The following GDPD5 variants were observed in gnomAD, a reference collection of about 807,000 sequenced individuals.
GDPD5 encodes the protein glycerophosphodiester phosphodiesterase domain containing 5.
In GDPD5, 48 loss-of-function variants were observed where a neutral mutation model predicts 75.1. The observed-to-expected ratio is 0.64, with a 90% CI of 0.51 to 0.81. GDPD5 has a LOEUF of 0.81. GDPD5 is among the 40% of genes least tolerant of loss of function. GDPD5 has a pLI of 0.00. For synonymous variants in GDPD5, 336 were observed against 339.0 expected (o/e 0.99, Z 0.10); for missense variants, 706 against 822.6 (o/e 0.86, Z 1.73).
intron 3 of GDPD5, among the ~76,000 whole-genome samples, chr11:75,464,039 C>G (rs1949468838): frequency 6.6e-6 from 1 of 152,222 alleles, no homozygotes; most frequent in Non-Finnish European, 1.5e-5. Flanking sequence ...CACTGTGTCC[C>G]CCAGACAAGT....
chr11:75,471,086 C>T lies in GDPD5; in HGVS notation c.117+6533G>A, dbSNP rs552187344. 2.0e-5 allele frequency among the ~76,000 whole-genome samples: 3 copies of T among 152,344 alleles called. No individual in the cohort carries two copies. The East Asian group carries it at 5.8e-4, about 29-fold the overall frequency. On this transcript the variant is annotated intron_variant, in intron 3 of 16. Transcript: ENST00000336898. ...TGCCTACTCCTGAATCTGCCACCTG[C>T]AAGCCAAATCTTGGGCACCTCAGCT...
chr11:75,446,419 G>A (rs1000467429), intron 9 of GDPD5, among the ~76,000 whole-genome samples: 1 of 152,170 alleles, frequency 6.6e-6, no homozygotes, highest in African/African-American at 2.4e-5. Context: ...CCTGCCTCAG[G>A]CCAGTCCAAG....
At chr11:75,495,406 A>T (rs1283809225) in intron 1 of GDPD5, among the ~76,000 whole-genome samples, 1 of 151,712 alleles carries the variant, frequency 6.6e-6, no homozygotes, top group Non-Finnish European at 1.5e-5. Context: ...CAGAGGTTGC[A>T]GTGAGCTGAG....
At chr11:75,507,855 C>A (rs1950434657) in intron 1 of GDPD5, among the ~76,000 whole-genome samples, 1 of 152,208 alleles carries the variant, frequency 6.6e-6, no homozygotes, top group Non-Finnish European at 1.5e-5. Context: ...CATCACAGAG[C>A]CTGCCAGTCA....
intron 4 of GDPD5, among the ~76,000 whole-genome samples, chr11:75,458,824 T>A (rs183735971): frequency 2.8e-4 from 43 of 152,340 alleles, no homozygotes; most frequent in Admixed American, 2.5e-3. Flanking sequence ...TCTCTGTCAC[T>A]GAGGCTGGAG....
intron 1 of GDPD5, among the ~76,000 whole-genome samples, chr11:75,497,557 C>A (rs538693052): frequency 2.7e-5 from 4 of 147,240 alleles, no homozygotes; most frequent in African/African-American, 9.9e-5. Context: ...CCTCTCTCGG[C>A]GCCTGCAGGT....
At chr11:75,435,777 G>A in intron 16 of GDPD5, 122 bp from the exon 17 acceptor site, 1 of 961,380 alleles carries the variant, frequency 1.0e-6, no homozygotes, top group Non-Finnish European at 1.5e-6. Context: ...GAAACCACTG[G>A]GCTCAGGTCG....
intron 6 of GDPD5, 98 bp from the exon 7 acceptor site, chr11:75,450,081 G>C (rs1949099033): frequency 1.0e-6 from 1 of 971,254 alleles, no homozygotes; most frequent in East Asian, 2.5e-5. Context: ...GAGAGGGCAG[G>C]AGAGGCCGAT....
chr11:75,514,143 A>AT (rs1170098348), intron 1 of GDPD5, among the ~76,000 whole-genome samples: 1 of 152,222 alleles, frequency 6.6e-6, no homozygotes, highest in African/African-American at 2.4e-5. Context: ...GGAGGGAGGC[A>AT]AAACCCTACC....
At chr11:75,439,307 A>G in intron 15 of GDPD5, 1 of 456,012 alleles carries the variant, frequency 2.2e-6, no homozygotes, top group South Asian at 1.6e-5. Context: ...AGAAAGAGGA[A>G]CAGAAGGAGG....
At chr11:75,448,675 C>T (rs1428333014) in intron 9 of GDPD5, 13 of 1,112,642 alleles carry the variant, frequency 1.2e-5, no homozygotes, top group Non-Finnish European at 1.4e-5. Flanking sequence ...AGGCCCCACA[C>T]TCAGCATCCA....
intron 15 of GDPD5, chr11:75,438,845 AAAG>A (rs1426354239): frequency 5.9e-6 from 1 of 168,590 alleles, no homozygotes; most frequent in Non-Finnish European, 1.3e-5. Flanking sequence ...GATAGAATGT[AAAG>A]AAGAGAGAGA....
intron 15 of GDPD5, 129 bp from the exon 16 acceptor site, chr11:75,437,177 T>C (rs570893949): frequency 4.5e-6 from 3 of 663,798 alleles, no homozygotes; most frequent in Admixed American, 2.6e-5. Flanking sequence ...CACTGTACAA[T>C]GGGGAAATAG....
chr11:75,495,140 G>T (rs1341140602), intron 1 of GDPD5, among the ~76,000 whole-genome samples: 1 of 151,858 alleles, frequency 6.6e-6, no homozygotes, highest in Non-Finnish European at 1.5e-5. Context: ...GATGGCACGT[G>T]CCTGTAGTCT....
At chr11:75,473,183 G>C (rs903983416) in intron 3 of GDPD5, among the ~76,000 whole-genome samples, 1 of 152,064 alleles carries the variant, frequency 6.6e-6, no homozygotes, top group Non-Finnish European at 1.5e-5. Context: ...GCCAGGGTAG[G>C]GTGATGGGGG....
At chr11:75,481,278 C>T (rs1419426357) in intron 2 of GDPD5, among the ~76,000 whole-genome samples, 1 of 152,212 alleles carries the variant, frequency 6.6e-6, no homozygotes, top group Non-Finnish European at 1.5e-5. Context: ...TACCACCAGG[C>T]CTCACTCAGG....
chr11:75,461,590 G>A (rs1328038152), intron 4 of GDPD5, among the ~76,000 whole-genome samples: 1 of 152,150 alleles, frequency 6.6e-6, no homozygotes, highest in Non-Finnish European at 1.5e-5. Flanking sequence ...GCTGCCTTCC[G>A]GCTAGAGATG....
At chr11:75,465,891 C>T (rs1042743738) in intron 3 of GDPD5, among the ~76,000 whole-genome samples, 6 of 152,320 alleles carry the variant, frequency 3.9e-5, no homozygotes, top group African/African-American at 9.6e-5. Flanking sequence ...GCTGGGAAGA[C>T]GACCTGTGAC....
At chr11:75,457,279 G>T (rs1371042843) in intron 5 of GDPD5, among the ~76,000 whole-genome samples, 1 of 152,190 alleles carries the variant, frequency 6.6e-6, no homozygotes, top group Non-Finnish European at 1.5e-5. Context: ...GGCCCTCTCG[G>T]CCAGGACAGC....
Sources: allele counts gnomAD v4.1 joint callset (sites outside exome capture counted in the v4.1 genomes callset), GRCh38; gene constraint gnomAD v4.1.1; transcripts MANE v1.5; gene names NCBI Gene and HGNC (gene_info 2026-07-23, HGNC 2026-07-21).